The following PHLDB2 variants were observed in gnomAD, a reference collection of about 807,000 sequenced individuals.
The protein encoded by PHLDB2 is pleckstrin homology-like domain family B member 2.
A neutral mutation model predicts 123.6 loss-of-function variants in PHLDB2; 71 were observed. The observed-to-expected ratio is 0.57, with a 90% CI of 0.47 to 0.70. The LOEUF (loss-of-function observed/expected upper bound fraction) is 0.70, where lower values mean the gene tolerates loss of function less well. Among genes scored for constraint, PHLDB2 ranks in the 30% least tolerant of loss-of-function variants. PHLDB2 has a pLI of 0.00. For missense variants in PHLDB2, 1,446 were observed against 1,519.5 expected (o/e 0.95, Z 0.80); for synonymous variants, 547 against 541.6 (o/e 1.01, Z -0.14).
Position 111,962,157 on chromosome 3 carries a change from T to G in PHLDB2, c.2922T>G (p.Phe974Leu). ...AAGGACACAGGCAGAAATCTGAATT[T>G]TATAACCGCACAGCATCTGAATCAA... is the stretch of plus-strand genomic sequence containing the variant. Reference protein sequence around the residue: ...MSEGHRQKSEFYNRTASESNV... With the variant: ...MSEGHRQKSELYNRTASESNV... Residue 974 changes from phenylalanine (F) to leucine (L), a missense_variant, in exon 13 of 18, where the codon TTT (phenylalanine) becomes TTG (leucine). Phe to Leu is a conservative substitution (Grantham distance 22). This residue lies in a region of PHLDB2 where 594 missense variants were observed against 646.0 expected (regional missense o/e 0.92). Coordinates refer to ENST00000431670, the MANE Select transcript of PHLDB2 (RefSeq NM_001134438.2). 1 of 1,583,944 alleles carries G rather than the reference T, an allele frequency of 6.3e-7. No homozygotes were observed. The highest frequency in any genetic ancestry group is 8.5e-7 in the Non-Finnish European group (1 of 1,171,744).
chr3:111,745,997 A>T (rs576715917), intron 1 of PHLDB2, among the ~76,000 whole-genome samples: 1 of 152,192 alleles, frequency 6.6e-6, no homozygotes, highest in African/African-American at 2.4e-5. Context: ...CTTACCCCAC[A>T]TGGTTTCAGA....
Position 111,859,931 on chromosome 3 carries a change from G to A in PHLDB2, c.-15+355G>A. On this transcript the variant is annotated intron_variant, in intron 1 of 17. Coordinates refer to ENST00000431670, the MANE Select transcript of PHLDB2 (RefSeq NM_001134438.2). ...TCTTTGCTTCTTTACAGGCTGTAGG[G>A]ACAAAAGCCCGGGCTGGGGTCGGCA... 4.1e-6 allele frequency: 4 copies of A among 984,492 alleles called. No individual in the cohort carries two copies. In the African/African-American group the frequency reaches 5.2e-5, roughly 13 times the overall value. The allele number at this position is 984,492 out of a possible 1,614,324, so 61.0% of individuals were successfully genotyped here.
At chr3:111,809,912 G>T (rs1036789874) in intron 1 of PHLDB2, among the ~76,000 whole-genome samples, 6 of 152,152 alleles carry the variant, frequency 3.9e-5, no homozygotes, top group African/African-American at 1.4e-4. Flanking sequence ...GAGTTCTGTT[G>T]TACAACCTAT....
intron 1 of PHLDB2, among the ~76,000 whole-genome samples, chr3:111,883,777 T>C (rs532327317): frequency 6.6e-6 from 1 of 152,370 alleles, no homozygotes; most frequent in East Asian, 1.9e-4. Flanking sequence ...TCTTTTTTAA[T>C]GTACCAGCCT....
chr3:111,803,665 A>G (rs547557917), intron 1 of PHLDB2, among the ~76,000 whole-genome samples: 2 of 152,324 alleles, frequency 1.3e-5, no homozygotes, highest in African/African-American at 4.8e-5. Flanking sequence ...AGGTTCTTAC[A>G]TTCACTAATT....
At chr3:111,828,210 A>G (rs2062759429) in intron 1 of PHLDB2, among the ~76,000 whole-genome samples, 1 of 152,192 alleles carries the variant, frequency 6.6e-6, no homozygotes, top group South Asian at 2.1e-4. Flanking sequence ...GAGTGAACCA[A>G]CTGGGAGAGA....
At chr3:111,890,191 T>G (rs999776489) in intron 2 of PHLDB2, among the ~76,000 whole-genome samples, 1 of 152,210 alleles carries the variant, frequency 6.6e-6, no homozygotes. Context: ...TGAAACCAGA[T>G]TCCTAGTCAT....
At chr3:111,930,917 A>G (rs968282428) in intron 5 of PHLDB2, among the ~76,000 whole-genome samples, 3 of 152,246 alleles carry the variant, frequency 2.0e-5, no homozygotes, top group Non-Finnish European at 2.9e-5. Context: ...AAAGCCAAAT[A>G]TACATTTCTA....
intron 1 of PHLDB2, among the ~76,000 whole-genome samples, chr3:111,795,281 T>C (rs1054318908): frequency 6.6e-6 from 1 of 152,158 alleles, no homozygotes; most frequent in African/African-American, 2.4e-5. Context: ...CTCCTTTTCC[T>C]CCCAAAAATG....
chr3:111,790,405 T>C (rs1457940911), intron 1 of PHLDB2, among the ~76,000 whole-genome samples: 1 of 152,172 alleles, frequency 6.6e-6, no homozygotes, highest in Non-Finnish European at 1.5e-5. Flanking sequence ...GCTCCAAAGA[T>C]CTTGAAAGGT....
chr3:111,793,021 C>A (rs2060993458), intron 1 of PHLDB2, among the ~76,000 whole-genome samples: 1 of 152,142 alleles, frequency 6.6e-6, no homozygotes, highest in African/African-American at 2.4e-5. Context: ...TTACCCAAGG[C>A]CCATGGCGAC....
At chr3:111,849,116 A>T (rs2064138676) in intron 2 of PHLDB2, among the ~76,000 whole-genome samples, 1 of 152,214 alleles carries the variant, frequency 6.6e-6, no homozygotes, top group African/African-American at 2.4e-5. Context: ...TAATATTAAC[A>T]TTGAAGATAC....
intron 2 of PHLDB2, among the ~76,000 whole-genome samples, chr3:111,896,637 C>A (rs2066889095): frequency 6.6e-6 from 1 of 152,032 alleles, no homozygotes; most frequent in South Asian, 2.1e-4. Flanking sequence ...AGGTGTGAGC[C>A]ACCGCGTCCA....
At chr3:111,890,145 C>T (rs183943102) in intron 2 of PHLDB2, among the ~76,000 whole-genome samples, 8 of 152,278 alleles carry the variant, frequency 5.3e-5, no homozygotes, top group Admixed American at 3.3e-4. Context: ...GACTGGATTC[C>T]GATTCTACCT....
chr3:111,800,414 G>T (rs755985339), intron 1 of PHLDB2, among the ~76,000 whole-genome samples: 4 of 152,136 alleles, frequency 2.6e-5, no homozygotes, highest in Non-Finnish European at 5.9e-5. Flanking sequence ...AAATTATGGA[G>T]AGGTATTACT....
chr3:111,907,850 G>A (rs2067645120), intron 2 of PHLDB2, among the ~76,000 whole-genome samples: 1 of 152,010 alleles, frequency 6.6e-6, no homozygotes, highest in African/African-American at 2.4e-5. Context: ...AGGCTGGAGT[G>A]CAGTGGTGCT....
intron 1 of PHLDB2, among the ~76,000 whole-genome samples, chr3:111,837,248 G>A (rs1287747202): frequency 6.6e-6 from 1 of 152,150 alleles, no homozygotes; most frequent in African/African-American, 2.4e-5. Context: ...TAAAGTTTAG[G>A]AATGAACAGA....
In PHLDB2 at chr3:111,973,716, T is replaced by A. The variant is rs2072369868; in HGVS notation, c.3536-16T>A. The A allele has an allele frequency of 6.7e-7, 1 of 1,500,640 alleles. No homozygotes were observed. Among genetic ancestry groups the A allele is most frequent in the African/African-American group, 1.4e-5 (1 of 72,334 alleles). 93.0% of individuals were successfully genotyped at this position (1,500,640 alleles called of 1,614,324 possible). On this transcript the variant is annotated splice_polypyrimidine_tract_variant and intron_variant, in intron 16 of 17. Coordinates refer to ENST00000431670, the MANE Select transcript of PHLDB2 (RefSeq NM_001134438.2). ...TCAGTGGCGATAAAGTATTTAACAC[T>A]TATCTGTCTTTGCAGACAAGCATGA...
rs181579622 is a variant in PHLDB2, at chr3:111,814,666, A to G, written c.-48-31155A>G. On this transcript the variant is annotated intron_variant, in intron 1 of 17. Coordinates refer to the PHLDB2 transcript ENST00000393923. ...AAAGCAGAGAGGTGGGGGTTGGCTT[A>G]TGATTCTAGTGGCTGGAAAATTTGA... 1.9e-3 allele frequency among the ~76,000 whole-genome samples: 280 copies of G among 150,626 alleles called. 2 individuals carry two copies. The Middle Eastern group carries it at 0.021, about 11-fold the overall frequency.
Sources: gnomAD v4.1 joint callset for allele counts (sites outside exome capture counted in the v4.1 genomes callset) on GRCh38, gnomAD v4.1.1 for gene constraint, gnomAD v4.1.1 regional missense constraint, MANE v1.5 for transcripts, NCBI Gene and HGNC (gene_info 2026-07-23, HGNC 2026-07-21) for gene names.